Variants in CREB1 observed in about 807,000 individuals in gnomAD.
CREB1 encodes cyclic AMP-responsive element-binding protein 1.
In CREB1, 2 loss-of-function variants were observed where a neutral mutation model predicts 42.0. That is an observed-to-expected ratio of 0.05 (90% CI 0.02 to 0.15). The LOEUF is 0.15. Ranked by LOEUF, CREB1 falls within the 10% of genes least tolerant of loss-of-function variation. The pLI, the probability that CREB1 is intolerant of heterozygous loss-of-function variation, is 1.00. For synonymous variants in CREB1, 123 were observed against 139.9 expected (o/e 0.88, Z 0.85); for missense variants, 199 against 388.9 (o/e 0.51, Z 4.11).
At chr2:207,594,521 G>T (rs962508704) in intron 7 of CREB1, among the ~76,000 whole-genome samples, 3 of 152,078 alleles carry the variant, frequency 2.0e-5, no homozygotes, top group Admixed American at 6.6e-5. Flanking sequence ...TGCCCTCAAG[G>T]TTCATCTACG....
Position 207,600,326 on chromosome 2 carries a change from T to C in CREB1, c.*3268T>C, listed in dbSNP as rs1314296513. ...GTCAGGAATGCTGAGTATTATAGTA[T>C]ATTGAGGTCAGATGAAATTTTACAT... On this transcript the variant is annotated 3_prime_UTR_variant, in exon 8 of 8. Transcript: ENST00000353267. The C allele has an allele frequency of 5.5e-6, 1 of 180,356 alleles. No individual in the cohort carries two copies. The highest frequency in any genetic ancestry group is 1.2e-5 in the Non-Finnish European group (1 of 84,778). 11.2% of individuals were successfully genotyped at this position (180,356 alleles called of 1,614,324 possible). A position where few individuals can be genotyped will look rare whatever the true frequency, so the allele number is the denominator to read the frequency against.
At chr2:207,553,602 T>G (rs2081601645) in intron 1 of CREB1, among the ~76,000 whole-genome samples, 1 of 152,206 alleles carries the variant, frequency 6.6e-6, no homozygotes, top group Admixed American at 6.5e-5. Context: ...TAAAAAAGTA[T>G]CTGGTGTTTA....
At chr2:207,578,637 TTG>T (rs896383468) in intron 7 of CREB1, among the ~76,000 whole-genome samples, 6 of 151,982 alleles carry the variant, frequency 3.9e-5, no homozygotes, top group African/African-American at 9.7e-5. Flanking sequence ...TGAAATGGGT[TTG>T]TGTGTGTGTG....
chr2:207,548,860 T>C (rs2081394506), intron 1 of CREB1, among the ~76,000 whole-genome samples: 1 of 151,966 alleles, frequency 6.6e-6, no homozygotes, highest in African/African-American at 2.4e-5. Context: ...ATTAATACAG[T>C]TTATAAAAGT....
Position 207,532,453 on chromosome 2 carries a change from T to C in CREB1, c.-9+2319T>C, listed in dbSNP as rs984280695. On this transcript the variant is annotated intron_variant, in intron 1 of 7. Transcript: ENST00000353267. ...ACTTTGGGAAGCCGAGGCAGGCGGCTCACGAGGTCAAGAGATCGAGACCAT... is the reference window on the plus strand; with the variant it reads ...ACTTTGGGAAGCCGAGGCAGGCGGCCCACGAGGTCAAGAGATCGAGACCAT... 6.3e-4 allele frequency among the ~76,000 whole-genome samples: 96 copies of C among 151,908 alleles called. 5 individuals carry two copies. The highest frequency in any genetic ancestry group is 1.5e-5 in the Non-Finnish European group (1 of 67,986).
At chr2:207,567,761 TA>T in intron 4 of CREB1, 198 bp downstream of exon 4, 1 of 380,158 alleles carries the variant, frequency 2.6e-6, no homozygotes, top group Non-Finnish European at 4.8e-6. Context: ...TCACCAGTCC[TA>T]ATTTTTTTTT....
Position 207,560,207 on chromosome 2 carries a change from T to C in CREB1, c.115-19T>C, listed in dbSNP as rs1291540165. 2 of 1,549,214 alleles carry C rather than the reference T, an allele frequency of 1.3e-6. No individual in the cohort carries two copies. The highest frequency in any genetic ancestry group is 2.7e-5 in the African/African-American group (2 of 73,600). On this transcript the variant is annotated intron_variant, in intron 2 of 7. Coordinates refer to ENST00000353267, the MANE Select transcript of CREB1 (RefSeq NM_004379.5). ...AGAGTGTCTGGGATGATAATTCTTT[T>C]CTGTGTTCAACACCATAGGTATCTA...
At chr2:207,551,438 C>T (rs1370317900) in intron 1 of CREB1, among the ~76,000 whole-genome samples, 1 of 151,992 alleles carries the variant, frequency 6.6e-6, no homozygotes, top group African/African-American at 2.4e-5. Context: ...CAGTTATGAC[C>T]AGAGCAACAT....
chr2:207,555,915 TATTA>T (rs1370960339), intron 2 of CREB1, among the ~76,000 whole-genome samples, 166 bp downstream of exon 2: 2 of 152,196 alleles, frequency 1.3e-5, no homozygotes, highest in African/African-American at 2.4e-5. Flanking sequence ...GAAATGATAG[TATTA>T]ATTCAATAAC....
At chr2:207,590,518 GTTTCT>G (rs1275193602) in intron 7 of CREB1, among the ~76,000 whole-genome samples, 2 of 151,130 alleles carry the variant, frequency 1.3e-5, no homozygotes, top group Non-Finnish European at 2.9e-5. Context: ...TCTCTTTCTA[GTTTCT>G]TTTTTCATTA....
chr2:207,604,489 ATCTT>A lies in CREB1; in HGVS notation c.*7436_*7439del, dbSNP rs4025849. On this transcript the variant is annotated 3_prime_UTR_variant, in exon 8 of 8. Coordinates refer to ENST00000353267, the MANE Select transcript of CREB1 (RefSeq NM_004379.5). ...TAACTGTGCGTCCTAATTTCTCCACATCTTTCTTAAGTGCAGTGACCAAACCGGA... is the reference window on the plus strand; with the variant it reads ...TAACTGTGCGTCCTAATTTCTCCACATCTTAAGTGCAGTGACCAAACCGGA... Among the ~76,000 whole-genome samples, 126,004 of 151,850 alleles carry A rather than the reference ATCTT, an allele frequency of 0.83. 52,473 individuals are homozygous for A. Among genetic ancestry groups the A allele is most frequent in the East Asian group, 1 (5,169 of 5,174 alleles).
At chr2:207,576,547 ATAT>A (rs1215047952) in intron 6 of CREB1, 2 of 467,742 alleles carry the variant, frequency 4.3e-6, no homozygotes, top group African/African-American at 4.0e-5. Context: ...TTTACAGAAT[ATAT>A]TCTGTTATTA....
In CREB1 at chr2:207,603,186, G is replaced by A. The variant is rs912306467; in HGVS notation, c.*6128G>A. On this transcript the variant is annotated 3_prime_UTR_variant, in exon 8 of 8. Transcript: ENST00000353267. Reference sequence around the variant, plus strand: ...TTAATTTTTTTATCTAAATCTTTTTGTGCTTTATGTGTAAAGAAAAAAATG... The same window carrying A: ...TTAATTTTTTTATCTAAATCTTTTTATGCTTTATGTGTAAAGAAAAAAATG... 5 of 213,232 alleles carry A rather than the reference G, an allele frequency of 2.3e-5. No individual in the cohort carries two copies. The highest frequency in any genetic ancestry group is 5.9e-5 in the Admixed American group (1 of 17,092). The allele number at this position is 213,232 out of a possible 1,614,324, so 13.2% of individuals were successfully genotyped here.
At chr2:207,580,674 G>A (rs2082855413) in intron 7 of CREB1, 1 of 221,170 alleles carries the variant, frequency 4.5e-6, no homozygotes, top group African/African-American at 2.2e-5. Context: ...ATGAAGGTAA[G>A]TGGTAAACAT....
At chr2:207,554,737 A>G (rs1478247269) in intron 1 of CREB1, among the ~76,000 whole-genome samples, 1 of 152,224 alleles carries the variant, frequency 6.6e-6, no homozygotes, top group Non-Finnish European at 1.5e-5. Flanking sequence ...CCAGAATTTT[A>G]CAATTAAAAT....
intron 1 of CREB1, among the ~76,000 whole-genome samples, chr2:207,539,034 T>G (rs2106358230): frequency 7.3e-6 from 1 of 137,154 alleles, no homozygotes; most frequent in East Asian, 2.2e-4. Context: ...TATTCTGAAT[T>G]ATTTGTACTC....
Position 207,560,336 on chromosome 2 carries a change from A to G in CREB1, c.225A>G (p.Pro75=), listed in dbSNP as rs753083489. 5.0e-6 allele frequency: 8 copies of G among 1,613,960 alleles called. No homozygotes were observed. Among genetic ancestry groups the G allele is most frequent in the Admixed American group, 1.7e-5 (1 of 59,992 alleles). ...ATGGAGTCATTCAGGCGGCCCAGCCATCAGTTATTCAGTCTCCACAAGTCC... is the reference window on the plus strand; with the variant it reads ...ATGGAGTCATTCAGGCGGCCCAGCCGTCAGTTATTCAGTCTCCACAAGTCC... ...QVHGVIQAAQ[P]SVIQSPQVQT... The change falls in exon 3 of 8, where the codon CCA becomes CCG. Residue 75 remains proline, a synonymous_variant. Transcript: ENST00000353267.
intron 1 of CREB1, among the ~76,000 whole-genome samples, chr2:207,532,116 G>A (rs1481195919): frequency 6.6e-6 from 1 of 151,956 alleles, no homozygotes; most frequent in East Asian, 1.9e-4. Context: ...AGCACTTGGG[G>A]GGTCGAGGCG....
chr2:207,599,007 T>TTAAAATAAGATTTTAATTA lies in CREB1; in HGVS notation c.*1950_*1968dup, dbSNP rs2086630260. 1 of 185,438 alleles carries TTAAAATAAGATTTTAATTA rather than the reference T, an allele frequency of 5.4e-6. No homozygotes were observed. Among genetic ancestry groups the TTAAAATAAGATTTTAATTA allele is most frequent in the Non-Finnish European group, 1.1e-5 (1 of 87,784 alleles). The allele number at this position is 185,438 out of a possible 1,614,324, so 11.5% of individuals were successfully genotyped here. On this transcript the variant is annotated 3_prime_UTR_variant, in exon 8 of 8. Transcript: ENST00000353267. ...TTAAGTGTTAATTGCTGGATCCATT[T>TTAAAATAAGATTTTAATTA]TAAAATAAGATTTTAATTAACATTT...
Sources: gnomAD v4.1 joint callset for allele counts (sites outside exome capture counted in the v4.1 genomes callset) on GRCh38, gnomAD v4.1.1 for gene constraint, MANE v1.5 for transcripts, NCBI Gene and HGNC (gene_info 2026-07-23, HGNC 2026-07-21) for gene names.